The following FAM114A2 variants were observed in gnomAD, a reference collection of about 807,000 sequenced individuals.
FAM114A2 encodes protein FAM114A2.
Under a neutral mutation model 58.4 loss-of-function variants are expected in FAM114A2, and 53 were observed. That is an observed-to-expected ratio of 0.91 (90% CI 0.73 to 1.14). FAM114A2 has a LOEUF of 1.14. Among genes scored for constraint, FAM114A2 ranks in the 50% most tolerant of loss-of-function variants. The pLI is 0.00. For missense variants in FAM114A2, 601 were observed against 581.1 expected (o/e 1.03, Z -0.35); for synonymous variants, 228 against 211.4 (o/e 1.08, Z -0.68).
intron 11 of FAM114A2, among the ~76,000 whole-genome samples, chr5:154,001,551 G>C (rs1769973827): frequency 6.6e-6 from 1 of 152,192 alleles, no homozygotes; most frequent in Non-Finnish European, 1.5e-5. Context: ...GTCTGCAGAA[G>C]ACTGACAGCC....
At chr5:154,025,916 A>G (rs1337177535) in intron 8 of FAM114A2, among the ~76,000 whole-genome samples, 1 of 152,176 alleles carries the variant, frequency 6.6e-6, no homozygotes, top group Non-Finnish European at 1.5e-5. Flanking sequence ...AAAATATGGT[A>G]TAAGAGTTTT....
chr5:153,997,626 G>A (rs1303796816), intron 12 of FAM114A2, among the ~76,000 whole-genome samples, 177 bp downstream of exon 12: 3 of 152,170 alleles, frequency 2.0e-5, no homozygotes. Flanking sequence ...ACGAGTTTTG[G>A]GGAAGGCTGA....
At chr5:154,021,048 CAT>C (rs1329368044) in intron 8 of FAM114A2, among the ~76,000 whole-genome samples, 1 of 152,194 alleles carries the variant, frequency 6.6e-6, no homozygotes, top group African/African-American at 2.4e-5. Context: ...ACAAAAACCA[CAT>C]GATTATCTCA....
chr5:154,003,607 C>T (rs76558959), intron 9 of FAM114A2, among the ~76,000 whole-genome samples: 3,654 of 152,248 alleles, frequency 0.024, 96 homozygotes, highest in African/African-American at 0.06. Context: ...AATATTTCCT[C>T]ATCCCTAGAA....
chr5:154,015,932 T>A, intron 8 of FAM114A2, among the ~76,000 whole-genome samples: 1 of 151,596 alleles, frequency 6.6e-6, no homozygotes. Context: ...AAAAAAACAA[T>A]CCAAACTTAA....
intron 8 of FAM114A2, among the ~76,000 whole-genome samples, chr5:154,015,341 C>T (rs1770969204): frequency 1.3e-5 from 2 of 152,166 alleles, no homozygotes; most frequent in African/African-American, 4.8e-5. Context: ...GTGCATTAAG[C>T]AACCAAAGCC....
chr5:154,014,159 G>A (rs1379971547), intron 8 of FAM114A2, among the ~76,000 whole-genome samples: 1 of 152,184 alleles, frequency 6.6e-6, no homozygotes, highest in Non-Finnish European at 1.5e-5. Context: ...ATCAGGACAA[G>A]TACCTTTACA....
intron 13 of FAM114A2, among the ~76,000 whole-genome samples, chr5:153,993,922 G>A (rs1247586910): frequency 6.6e-6 from 1 of 152,168 alleles, no homozygotes; most frequent in Non-Finnish European, 1.5e-5. Context: ...AGGGACCTCA[G>A]ATATCGTCTA....
chr5:154,013,903 C>T (rs115617641), intron 8 of FAM114A2, among the ~76,000 whole-genome samples: 209 of 152,276 alleles, frequency 1.4e-3, no homozygotes, highest in African/African-American at 4.6e-3. Context: ...CTATATGCCA[C>T]ATATTAAATA....
chr5:154,027,082 C>T (rs1771833309), intron 7 of FAM114A2, 94 bp downstream of exon 7: 4 of 1,035,236 alleles, frequency 3.9e-6, no homozygotes, highest in East Asian at 2.4e-5. Context: ...ACAAAACATA[C>T]ACTTCATCTT....
intron 9 of FAM114A2, among the ~76,000 whole-genome samples, chr5:154,006,873 TG>T (rs1233286824): frequency 6.6e-6 from 1 of 151,004 alleles, no homozygotes; most frequent in African/African-American, 2.4e-5. Flanking sequence ...CTCAGCTCAC[TG>T]CAACCTCTGC....
Position 154,030,100 on chromosome 5 carries a change from A to G in FAM114A2, c.404-520T>C, listed in dbSNP as rs1355757633. 4.6e-5 allele frequency among the ~76,000 whole-genome samples: 7 copies of G among 152,314 alleles called. No homozygotes were observed. The East Asian group carries it at 1.2e-3, about 25-fold the overall frequency. On this transcript the variant is annotated intron_variant, in intron 4 of 13. Transcript: ENST00000351797. Reference sequence around the variant, plus strand: ...ACTATGATTACACAGTATAAACAGAAGTATATATACTGATCAAAACATGTA... The same window carrying G: ...ACTATGATTACACAGTATAAACAGAGGTATATATACTGATCAAAACATGTA...
intron 12 of FAM114A2, among the ~76,000 whole-genome samples, chr5:153,996,210 T>C (rs548438882): frequency 4.6e-5 from 7 of 152,304 alleles, no homozygotes; most frequent in African/African-American, 1.2e-4. Flanking sequence ...TACAAATTAA[T>C]GGACTAAAAA....
Position 153,993,784 on chromosome 5 carries a change from T to TG in FAM114A2, c.1384-675_1384-674insC, listed in dbSNP as rs757747070. ...AAGACAAGAGTGTTTCAAATCTGTA[T>TG]CCAAAAAAAAAATCCACTAAAAATA... On this transcript the variant is annotated intron_variant, in intron 13 of 13. Transcript: ENST00000351797. 2.3e-3 allele frequency among the ~76,000 whole-genome samples: 351 copies of TG among 150,338 alleles called. 3 individuals are homozygous for TG. Among genetic ancestry groups the TG allele is most frequent in the African/African-American group, 7.4e-3 (302 of 40,624 alleles).
At chr5:154,013,400 T>A (rs1275890191) in intron 8 of FAM114A2, among the ~76,000 whole-genome samples, 2 of 152,182 alleles carry the variant, frequency 1.3e-5, no homozygotes, top group East Asian at 3.8e-4. Flanking sequence ...ATACCACCAC[T>A]TTTTTAAAAA....
intron 1 of FAM114A2, among the ~76,000 whole-genome samples, chr5:154,037,705 G>T (rs903247263): frequency 6.6e-6 from 1 of 152,048 alleles, no homozygotes; most frequent in African/African-American, 2.4e-5. Context: ...AAGACTGGAA[G>T]GACATACTCC....
chr5:154,031,334 A>G (rs1772183481), intron 4 of FAM114A2, among the ~76,000 whole-genome samples: 1 of 151,376 alleles, frequency 6.6e-6, no homozygotes, highest in African/African-American at 2.4e-5. Context: ...AAAAAGCCTT[A>G]AAGCATCAAT....
chr5:153,993,133 A>G, intron 13 of FAM114A2, 23 bp from the exon 14 acceptor site: 3 of 1,595,048 alleles, frequency 1.9e-6, no homozygotes, highest in Non-Finnish European at 2.6e-6. Flanking sequence ...AAAAAACAAG[A>G]AAAAGAAAAT....
At chr5:154,001,403 C>T (rs1389603464) in intron 11 of FAM114A2, among the ~76,000 whole-genome samples, 1 of 152,120 alleles carries the variant, frequency 6.6e-6, no homozygotes, top group South Asian at 2.1e-4. Context: ...TTCCAAGTAG[C>T]AGAAATAGCC....
Sources: allele counts gnomAD v4.1 joint callset (sites outside exome capture counted in the v4.1 genomes callset), GRCh38; gene constraint gnomAD v4.1.1; transcripts MANE v1.5; gene names NCBI Gene and HGNC (gene_info 2026-07-23, HGNC 2026-07-21).